Variants in IGSF5 observed in about 807,000 individuals in gnomAD.
IGSF5 encodes the protein immunoglobulin superfamily member 5, also known as immunoglobulin superfamily 5 like.
Under a neutral mutation model 39.4 loss-of-function variants are expected in IGSF5, and 41 were observed. That is an observed-to-expected ratio of 1.04 (90% CI 0.81 to 1.35). IGSF5 has a LOEUF of 1.35. Ranked by LOEUF, IGSF5 falls within the 40% of genes most tolerant of loss-of-function variation. The pLI is 0.00. For synonymous variants in IGSF5, 183 were observed against 175.3 expected (o/e 1.04, Z -0.34); for missense variants, 487 against 494.6 (o/e 0.98, Z 0.15).
intron 3 of IGSF5, among the ~76,000 whole-genome samples, chr21:39,768,834 C>G (rs146905673): frequency 6.6e-6 from 1 of 152,142 alleles, no homozygotes; most frequent in African/African-American, 2.4e-5. Context: ...CATTTCAGAG[C>G]AAAAAGATCT....
chr21:39,760,286 G>T (rs1163563969), intron 2 of IGSF5, among the ~76,000 whole-genome samples: 1 of 152,162 alleles, frequency 6.6e-6, no homozygotes, highest in Non-Finnish European at 1.5e-5. Flanking sequence ...ATGTAAGATT[G>T]AGCAAAACCA....
At position 39,766,691 on chromosome 21, in the gene IGSF5, T is replaced by C. The variant is rs569076280; in HGVS notation, c.418+839T>C. ...GTTACACAGTAAAAAAGTAAAAGGA[T>C]GCTTTACAAAGATTTGGAATAGTCT... On this transcript the variant is annotated intron_variant, in intron 3 of 8. Coordinates refer to ENST00000380588, the MANE Select transcript of IGSF5 (RefSeq NM_001080444.2). Among the ~76,000 whole-genome samples the C allele has an allele frequency of 1.2e-3, 179 of 152,352 alleles. 3 individuals carry two copies. In the South Asian group the frequency reaches 0.02, roughly 17 times the overall value.
At chr21:39,730,851 T>G in the IGSF5 span, among the ~76,000 whole-genome samples, 1 of 152,360 alleles carries the variant, frequency 6.6e-6, no homozygotes, top group South Asian at 2.1e-4. Context: ...TGAGTTTGCT[T>G]TTTGTCCAAC....
chr21:39,800,139 A>G (rs148372373), intron 8 of IGSF5, among the ~76,000 whole-genome samples: 197 of 152,292 alleles, frequency 1.3e-3, no homozygotes, highest in African/African-American at 4.2e-3. Context: ...ATGCTTTTTT[A>G]TTTCAATATG....
chr21:39,734,577 T>C, the IGSF5 span, among the ~76,000 whole-genome samples: 3 of 152,132 alleles, frequency 2.0e-5, no homozygotes, highest in African/African-American at 7.2e-5. Flanking sequence ...TGATAACCAC[T>C]GATTTTTTTA....
At chr21:39,718,797 G>T in the IGSF5 span, among the ~76,000 whole-genome samples, 1 of 152,128 alleles carries the variant, frequency 6.6e-6, no homozygotes, top group African/African-American at 2.4e-5. Context: ...CAAGGGTATT[G>T]GCCTGAAGTT....
chr21:39,740,814 CAAGT>C (rs1569244206), upstream of IGSF5, among the ~76,000 whole-genome samples: 1 of 152,206 alleles, frequency 6.6e-6, no homozygotes, highest in African/African-American at 2.4e-5. Context: ...ATTGGCCCTT[CAAGT>C]AATAGAGCCT....
chr21:39,786,754 T>C (rs1041768308), intron 5 of IGSF5, among the ~76,000 whole-genome samples: 4 of 152,228 alleles, frequency 2.6e-5, no homozygotes, highest in Non-Finnish European at 5.9e-5. Flanking sequence ...GTGGCACATA[T>C]TCACCATGGA....
chr21:39,771,300 C>A, intron 4 of IGSF5, 85 bp downstream of exon 4: 1 of 1,290,472 alleles, frequency 7.7e-7, no homozygotes, highest in Non-Finnish European at 1.0e-6. Flanking sequence ...ATCCACGATG[C>A]CTGGAAAAAT....
chr21:39,738,906 G>A, the IGSF5 span, among the ~76,000 whole-genome samples: 1 of 150,728 alleles, frequency 6.6e-6, no homozygotes, highest in Non-Finnish European at 1.5e-5. The surrounding 1 kb of genome is among the most constrained non-coding windows in gnomAD (Gnocchi z 6.4). Context: ...TTTTTGTTTT[G>A]AGACAGGATC....
rs143778837 is a variant in IGSF5 at position 39,769,746 on chromosome 21, C to A, written c.419-1170C>A. Among the ~76,000 whole-genome samples, 1,418 of 151,868 alleles carry A rather than the reference C, an allele frequency of 9.3e-3. 17 individuals carry two copies. The highest frequency in any genetic ancestry group is 0.048 in the South Asian group (228 of 4,786). On this transcript the variant is annotated intron_variant, in intron 3 of 8. Transcript: ENST00000380588. ...ATTTTTTTAGTTTAAAAATGTGATTCGTTTCCATGAAAATATGTTAATCAA... is the reference window on the plus strand; with the variant it reads ...ATTTTTTTAGTTTAAAAATGTGATTAGTTTCCATGAAAATATGTTAATCAA...
At chr21:39,767,875 C>T (rs2080094546) in intron 3 of IGSF5, among the ~76,000 whole-genome samples, 1 of 152,100 alleles carries the variant, frequency 6.6e-6, no homozygotes, top group Non-Finnish European at 1.5e-5. Context: ...GATGTGCCTT[C>T]CAGGTCTGTA....
chr21:39,753,681 G>A (rs2080016439), intron 2 of IGSF5, among the ~76,000 whole-genome samples: 1 of 151,796 alleles, frequency 6.6e-6, no homozygotes, highest in Non-Finnish European at 1.5e-5. Flanking sequence ...TATAAATTTA[G>A]GATTGTAATA....
the IGSF5 span, among the ~76,000 whole-genome samples, chr21:39,740,134 T>C: frequency 6.6e-6 from 1 of 152,210 alleles, no homozygotes; most frequent in Non-Finnish European, 1.5e-5. Flanking sequence ...CTCGTGAGAT[T>C]CCCCATTCTA....
chr21:39,792,889 C>T (rs974913230), intron 7 of IGSF5, among the ~76,000 whole-genome samples: 5 of 152,126 alleles, frequency 3.3e-5, no homozygotes, highest in Admixed American at 3.3e-4. Context: ...GGACACCTGC[C>T]CTCACAGGCT....
At chr21:39,726,677 T>G in the IGSF5 span, among the ~76,000 whole-genome samples, 970 of 152,314 alleles carry the variant, frequency 6.4e-3, 13 homozygotes, top group African/African-American at 0.023. Flanking sequence ...TCTGGCCCCT[T>G]CAATTGCAGC....
At chr21:39,788,095 A>G in intron 5 of IGSF5, 72 bp from the exon 6 acceptor site, 1 of 1,248,898 alleles carries the variant, frequency 8.0e-7, no homozygotes, top group South Asian at 1.3e-5. Context: ...GGGAGTGTAT[A>G]AAAATTAATG....
the IGSF5 span, among the ~76,000 whole-genome samples, chr21:39,721,642 G>A: frequency 2.6e-5 from 4 of 151,042 alleles, no homozygotes; most frequent in South Asian, 6.3e-4. Flanking sequence ...ACTAGAGCCT[G>A]GCCATGATGA....
At chr21:39,718,698 C>G in the IGSF5 span, among the ~76,000 whole-genome samples, 35 of 152,238 alleles carry the variant, frequency 2.3e-4, no homozygotes, top group East Asian at 5.2e-3. Context: ...GGGGATGAAG[C>G]CTACTTGTTT....
Sources: allele counts gnomAD v4.1 joint callset (sites outside exome capture counted in the v4.1 genomes callset), GRCh38; gene constraint gnomAD v4.1.1; non-coding constraint Gnocchi (gnomAD v3.1); transcripts MANE v1.5; gene names NCBI Gene and HGNC (gene_info 2026-07-23, HGNC 2026-07-21).